KSR2: variants seen among roughly 807,000 people sequenced by gnomAD.
KSR2 encodes the protein kinase suppressor of ras 2.
In KSR2, 25 loss-of-function variants were observed where a neutral mutation model predicts 107.8. The observed-to-expected ratio is 0.23, with a 90% CI of 0.17 to 0.32. The LOEUF (loss-of-function observed/expected upper bound fraction) is 0.32. Among genes scored for constraint, KSR2 ranks in the 10% least tolerant of loss-of-function variants. KSR2 has a pLI of 1.00. For missense variants in KSR2, 887 were observed against 1,268.9 expected, an observed-to-expected ratio of 0.70 and a Z score of 4.57; for synonymous variants, 480 against 507.0, an observed-to-expected ratio of 0.95 and a Z score of 0.71.
In KSR2 at chr12:117,692,864, G is replaced by A. The variant is rs371136320; in HGVS notation, c.987-25206C>T. 5.1e-4 allele frequency among the ~76,000 whole-genome samples: 77 copies of A among 152,238 alleles called. 1 individual carries two copies. In the South Asian group the frequency reaches 0.016, roughly 31 times the overall value. On this transcript the variant is annotated intron_variant, in intron 4 of 19. Transcript: ENST00000339824. ...ACAGGCAAATCCACAGAAATGGAAT[G>A]CAGACTGGCAGTTGCCATGGGGATA...
At chr12:117,501,703 C>A (rs1873386612) in intron 14 of KSR2, among the ~76,000 whole-genome samples, 1 of 152,128 alleles carries the variant, frequency 6.6e-6, no homozygotes, top group African/African-American at 2.4e-5. Flanking sequence ...GCATATGTAG[C>A]CAAATAAGGG....
At chr12:117,799,508 A>G (rs1283379675) in intron 3 of KSR2, among the ~76,000 whole-genome samples, 1 of 152,092 alleles carries the variant, frequency 6.6e-6, no homozygotes, top group Non-Finnish European at 1.5e-5. Context: ...CCAAAAAAAA[A>G]AAGAAAAAAA....
intron 14 of KSR2, among the ~76,000 whole-genome samples, chr12:117,487,612 C>G (rs1872535165): frequency 6.6e-6 from 1 of 152,186 alleles, no homozygotes. Flanking sequence ...TACTTAGTTC[C>G]TGAACAGCCA....
chr12:117,736,517 G>A (rs1457767711), intron 4 of KSR2, among the ~76,000 whole-genome samples: 1 of 152,146 alleles, frequency 6.6e-6, no homozygotes, highest in South Asian at 2.1e-4. Flanking sequence ...AACTAATAAA[G>A]AGTAAGAACC....
intron 4 of KSR2, among the ~76,000 whole-genome samples, chr12:117,671,799 T>TC (rs1327058485): frequency 2.1e-5 from 2 of 95,014 alleles, no homozygotes; most frequent in Non-Finnish European, 2.2e-5. Context: ...CCCACCCACC[T>TC]CCCCCAAACT....
intron 3 of KSR2, among the ~76,000 whole-genome samples, chr12:117,835,872 T>C (rs1025391206): frequency 6.6e-6 from 1 of 151,302 alleles, no homozygotes; most frequent in East Asian, 2.0e-4. Flanking sequence ...AACCTCCTAC[T>C]TGGGACCTGA....
chr12:117,914,781 C>T (rs1476055956), intron 1 of KSR2, among the ~76,000 whole-genome samples: 1 of 152,134 alleles, frequency 6.6e-6, no homozygotes, highest in Non-Finnish European at 1.5e-5. Context: ...AGTAATCTGC[C>T]CACCTTGGCC....
intron 1 of KSR2, among the ~76,000 whole-genome samples, chr12:117,886,179 A>G (rs1318099104): frequency 6.6e-6 from 1 of 150,530 alleles, no homozygotes; most frequent in African/African-American, 2.4e-5. Context: ...TATATATAAT[A>G]TTTGTATAGG....
intron 7 of KSR2, among the ~76,000 whole-genome samples, chr12:117,572,816 T>C (rs1228633975): frequency 6.6e-6 from 1 of 151,940 alleles, no homozygotes; most frequent in Non-Finnish European, 1.5e-5. Flanking sequence ...GAAATGCAGA[T>C]AGGGGTAGAG....
In KSR2 at chr12:117,860,398, A is replaced by T. The variant is rs1490482051; in HGVS notation, c.214T>A (p.Ser72Thr). 2 of 1,612,140 alleles carry T rather than the reference A, an allele frequency of 1.2e-6. No homozygotes were observed. The highest frequency in any genetic ancestry group is 1.7e-6 in the Non-Finnish European group (2 of 1,179,236). ...TGCAAGGCTACCTTCTTTTTGCAGG[A>T]CAGCTGCCGGCTGAAGTACTTCACC... is the stretch of plus-strand genomic sequence containing the variant. ...KLVKYFSRQLSCKKKVALQER... is the reference protein window; with the variant it reads ...KLVKYFSRQLTCKKKVALQER... The change falls in exon 2 of 20, where the codon TCC becomes ACC. Residue 72 changes from serine (S) to threonine (T), a missense_variant. Around this residue, in one of 8 missense-constraint regions of KSR2, gnomAD observed 399 missense variants for 479.5 expected, o/e 0.83. Coordinates refer to ENST00000339824, the MANE Select transcript of KSR2 (RefSeq NM_173598.6).
chr12:117,642,437 T>A (rs571721071), intron 5 of KSR2, among the ~76,000 whole-genome samples: 2 of 152,258 alleles, frequency 1.3e-5, no homozygotes, highest in Admixed American at 6.5e-5. Flanking sequence ...CCTTCAAGGA[T>A]CCAGAGCCAA....
chr12:117,808,780 G>A (rs1409032315), intron 3 of KSR2, among the ~76,000 whole-genome samples: 2 of 152,084 alleles, frequency 1.3e-5, no homozygotes, highest in Non-Finnish European at 2.9e-5. Context: ...CTGGCTAGCT[G>A]ACCACAAGCT....
intron 3 of KSR2, among the ~76,000 whole-genome samples, chr12:117,775,647 C>T (rs1889659899): frequency 6.6e-6 from 1 of 152,072 alleles, no homozygotes; most frequent in South Asian, 2.1e-4. Flanking sequence ...AAACGAGTAC[C>T]CAGGGGATAG....
chr12:117,545,437 T>A (rs1876787486), intron 9 of KSR2, among the ~76,000 whole-genome samples: 1 of 152,174 alleles, frequency 6.6e-6, no homozygotes, highest in Admixed American at 6.5e-5. Context: ...TTTTTTGGAG[T>A]AAGACAGTTT....
rs772671793 is a variant in KSR2, at chr12:117,476,534, G to A, written c.2512C>T (p.Arg838Cys). The A allele has an allele frequency of 1.6e-5, 25 of 1,610,412 alleles. No homozygotes were observed. The highest frequency in any genetic ancestry group is 2.2e-5 in the East Asian group (1 of 44,764). ...TCCTCTGTGTCGGGGGACAGCTGGC[G>A]GATGATCTCTGGTGCCAGGTGGCAT... The part of the protein sequence containing the change: ...WLCHLAPEII[R>C]QLSPDTEEDK... The change falls in exon 17 of 20, where the codon CGC becomes TGC. Residue 838 changes from arginine to cysteine, a missense_variant. Physicochemically the swap from Arg to Cys is radical, Grantham distance 180 (BLOSUM62 -3). Coordinates refer to ENST00000339824, the MANE Select transcript of KSR2 (RefSeq NM_173598.6).
At chr12:117,710,910 A>G (rs148197806) in intron 4 of KSR2, among the ~76,000 whole-genome samples, 6 of 152,212 alleles carry the variant, frequency 3.9e-5, no homozygotes, top group African/African-American at 1.4e-4. Flanking sequence ...ACCTTTGCAC[A>G]TGCCGTTCCC....
chr12:117,506,775 T>A (rs1873707209), intron 14 of KSR2, among the ~76,000 whole-genome samples: 1 of 152,186 alleles, frequency 6.6e-6, no homozygotes, highest in African/African-American at 2.4e-5. Context: ...CCTGCTTCCA[T>A]AATAGGATTG....
intron 7 of KSR2, among the ~76,000 whole-genome samples, chr12:117,572,595 A>T (rs992919674): frequency 6.6e-6 from 1 of 152,002 alleles, no homozygotes; most frequent in African/African-American, 2.4e-5. Flanking sequence ...ATAATCTGAG[A>T]AGAGAAAATG....
At position 117,461,084 on chromosome 12, in the gene KSR2, C is replaced by G. The variant is rs1218533234; in HGVS notation, c.*6115G>C. On this transcript the variant is annotated 3_prime_UTR_variant, in exon 20 of 20. Coordinates refer to ENST00000339824, the MANE Select transcript of KSR2 (RefSeq NM_173598.6). ...TGAGACCAGGAGTTCAAGACCAGCG[C>G]GGGCAACATAGCAAGACCCTGTCTG... 6.6e-6 allele frequency: 1 copy of G among 152,232 alleles called. No homozygotes were observed. The highest frequency in any genetic ancestry group is 1.5e-5 in the Non-Finnish European group (1 of 68,170). The allele number at this position is 152,232 out of a possible 1,614,324, so 9.4% of individuals were successfully genotyped here. A position where few individuals can be genotyped will look rare whatever the true frequency, so the allele number is the denominator to read the frequency against.
Sources: gnomAD v4.1 joint callset for allele counts (sites outside exome capture counted in the v4.1 genomes callset) on GRCh38, gnomAD v4.1.1 for gene constraint, gnomAD v4.1.1 regional missense constraint, MANE v1.5 for transcripts, NCBI Gene and HGNC (gene_info 2026-07-23, HGNC 2026-07-21) for gene names.